The following DIP2C variants were observed in gnomAD, a reference collection of about 807,000 sequenced individuals.
The protein encoded by DIP2C is DIP2 acetate--CoA ligase C (putative).
DIP2C carries 33 observed loss-of-function variants against 192.4 expected under a neutral mutation model. That is an observed-to-expected ratio of 0.17 (90% confidence interval 0.13 to 0.23). The LOEUF is 0.23. Ranked by LOEUF, DIP2C falls within the 10% of genes least tolerant of loss-of-function variation. The pLI, the probability that DIP2C is intolerant of heterozygous loss-of-function variation, is 1.00. For missense variants in DIP2C, 1,537 were observed against 2,110.1 expected, an observed-to-expected ratio of 0.73 and a Z score of 5.32; for synonymous variants, 979 against 864.1, an observed-to-expected ratio of 1.13 and a Z score of -2.33.
chr10:523,654 A>G (rs1846871344), intron 1 of DIP2C, among the ~76,000 whole-genome samples: 1 of 143,246 alleles, frequency 7.0e-6, no homozygotes, highest in Admixed American at 6.9e-5. Flanking sequence ...TTTCTACCGG[A>G]TGCAAAGGAC....
At chr10:383,830 A>G (rs1045315396) in intron 16 of DIP2C, among the ~76,000 whole-genome samples, 197 bp downstream of exon 16, 3 of 152,074 alleles carry the variant, frequency 2.0e-5, no homozygotes, top group Non-Finnish European at 4.4e-5. Context: ...TCTTGGCCCG[A>G]GTGAGTGATT....
At chr10:389,612 C>T (rs770483689) in intron 13 of DIP2C, among the ~76,000 whole-genome samples, 6 of 152,182 alleles carry the variant, frequency 3.9e-5, no homozygotes, top group Non-Finnish European at 7.3e-5. Flanking sequence ...CAGGCCCCGG[C>T]GTGGCTGTGT....
At chr10:387,966 G>A (rs1418180073) in intron 13 of DIP2C, among the ~76,000 whole-genome samples, 157 bp from the exon 14 acceptor site, 1 of 152,178 alleles carries the variant, frequency 6.6e-6, no homozygotes, top group Non-Finnish European at 1.5e-5. Context: ...CTCCAAGTAG[G>A]CCGGTTTGAG....
At chr10:388,306 A>G (rs1564648281) in intron 13 of DIP2C, among the ~76,000 whole-genome samples, 1 of 152,122 alleles carries the variant, frequency 6.6e-6, no homozygotes, top group Non-Finnish European at 1.5e-5. Flanking sequence ...AATCTATTCA[A>G]TGACTATGGG....
At chr10:452,442 C>T (rs1968926085) in intron 3 of DIP2C, among the ~76,000 whole-genome samples, 2 of 152,116 alleles carry the variant, frequency 1.3e-5, no homozygotes, top group African/African-American at 4.8e-5. Context: ...TTCTGAAGCA[C>T]GCAGTGTAAT....
In DIP2C at chr10:610,881, A is replaced by C. The variant is rs918877473; in HGVS notation, c.85+78613T>G. On this transcript the variant is annotated intron_variant, in intron 1 of 36. Coordinates refer to ENST00000280886, the MANE Select transcript of DIP2C (RefSeq NM_014974.3). The stretch of plus-strand genomic sequence containing the variant: ...TCATGGGGGTGGTTTCTAACCCCCC[A>C]GTGTTGGAGGTGGGCCCTGGTGGGA... 1.9e-4 allele frequency among the ~76,000 whole-genome samples: 27 copies of C among 142,102 alleles called. No individual in the cohort carries two copies. In the South Asian group the frequency reaches 4.6e-3, roughly 24 times the overall value. 93.2% of individuals were successfully genotyped at this position (142,102 alleles called of 152,430 possible). A position where few individuals can be genotyped will look rare whatever the true frequency, so the allele number is the denominator to read the frequency against.
At chr10:670,100 A>G (rs777611139) in intron 1 of DIP2C, among the ~76,000 whole-genome samples, 6 of 152,038 alleles carry the variant, frequency 3.9e-5, no homozygotes, top group Non-Finnish European at 8.8e-5. Context: ...ATACACACAC[A>G]TCCACACGTG....
intron 1 of DIP2C, among the ~76,000 whole-genome samples, chr10:638,743 T>A (rs1277252076): frequency 6.6e-6 from 1 of 152,202 alleles, no homozygotes; most frequent in African/African-American, 2.4e-5. Context: ...ATTGGAGCAA[T>A]CCTGGCATTT....
intron 1 of DIP2C, among the ~76,000 whole-genome samples, chr10:515,809 G>A (rs1017213107): frequency 1.3e-5 from 2 of 152,054 alleles, no homozygotes; most frequent in African/African-American, 4.8e-5. Context: ...CACGGCAATG[G>A]TTATCACCTG....
chr10:384,969 A>G (rs988002568), intron 14 of DIP2C, among the ~76,000 whole-genome samples: 1 of 151,012 alleles, frequency 6.6e-6, no homozygotes, highest in Non-Finnish European at 1.5e-5. Context: ...GTTCTCAAGG[A>G]GCACCACAGA....
At chr10:654,045 G>A (rs1477739672) in intron 1 of DIP2C, among the ~76,000 whole-genome samples, 2 of 152,192 alleles carry the variant, frequency 1.3e-5, no homozygotes, top group Non-Finnish European at 2.9e-5. Context: ...CCCTCAGGAG[G>A]TCCCCAGCCA....
At chr10:316,907 GTC>G (rs1956799794) in intron 31 of DIP2C, among the ~76,000 whole-genome samples, 1 of 152,076 alleles carries the variant, frequency 6.6e-6, no homozygotes, top group Admixed American at 6.5e-5. Context: ...CCACATACAG[GTC>G]TCTTTTCTCC....
At chr10:470,577 C>T (rs1227789643) in intron 3 of DIP2C, among the ~76,000 whole-genome samples, 1 of 152,204 alleles carries the variant, frequency 6.6e-6, no homozygotes, top group African/African-American at 2.4e-5. Context: ...CGTGAGACAA[C>T]CACAACCCGC....
intron 1 of DIP2C, among the ~76,000 whole-genome samples, chr10:546,782 CATT>C (rs2130925755): frequency 9.0e-6 from 1 of 110,756 alleles, no homozygotes; most frequent in South Asian, 2.4e-4. Flanking sequence ...TTCCACATTT[CATT>C]ATGTCAAAAA....
intron 2 of DIP2C, among the ~76,000 whole-genome samples, chr10:477,180 A>C (rs1043128894): frequency 1.6e-4 from 23 of 142,410 alleles, no homozygotes; most frequent in African/African-American, 4.9e-4. Context: ...AGGCTTAGCA[A>C]AGTCAGCAAA....
intron 1 of DIP2C, among the ~76,000 whole-genome samples, chr10:631,558 CAT>C (rs2131886213): frequency 6.6e-6 from 1 of 152,298 alleles, no homozygotes; most frequent in East Asian, 1.9e-4. Flanking sequence ...ACACTCTTAA[CAT>C]GTTTTTTTTT....
At chr10:408,093 T>C (rs1252887570) in intron 9 of DIP2C, among the ~76,000 whole-genome samples, 1 of 150,706 alleles carries the variant, frequency 6.6e-6, no homozygotes, top group African/African-American at 2.5e-5. Context: ...CATTTAGGCG[T>C]TTGGTCCATT....
intron 1 of DIP2C, among the ~76,000 whole-genome samples, chr10:610,432 A>C (rs1853012093): frequency 6.6e-6 from 1 of 152,218 alleles, no homozygotes; most frequent in African/African-American, 2.4e-5. Context: ...CAAAACAGCT[A>C]GGAGAGAATA....
chr10:422,225 G>A (rs990411282), intron 5 of DIP2C, among the ~76,000 whole-genome samples: 3 of 152,164 alleles, frequency 2.0e-5, no homozygotes, highest in Non-Finnish European at 2.9e-5. Context: ...CTACTGAACC[G>A]TTCAAAGGCA....
Sources: gnomAD v4.1 joint callset for allele counts (sites outside exome capture counted in the v4.1 genomes callset) on GRCh38, gnomAD v4.1.1 for gene constraint, MANE v1.5 for transcripts, NCBI Gene and HGNC (gene_info 2026-07-23, HGNC 2026-07-21) for gene names.